Variants in FAM193A observed in about 807,000 individuals in gnomAD.
FAM193A encodes the protein protein FAM193A.
FAM193A carries 22 observed loss-of-function variants against 126.5 expected under a neutral mutation model. The observed-to-expected ratio is 0.17, with a 90% CI of 0.12 to 0.25. FAM193A has a LOEUF of 0.25. Ranked by LOEUF, FAM193A falls within the 10% of genes least tolerant of loss-of-function variation. The pLI, the probability that FAM193A is intolerant of heterozygous loss-of-function variation, is 1.00. For missense variants in FAM193A, 1,675 were observed against 1,672.8 expected (o/e 1.00, Z -0.02); for synonymous variants, 761 against 646.8 (o/e 1.18, Z -2.68).
chr4:2,691,903 C>T (rs927999936), intron 15 of FAM193A, among the ~76,000 whole-genome samples: 1 of 152,108 alleles, frequency 6.6e-6, no homozygotes, highest in Non-Finnish European at 1.5e-5. Context: ...AAAAGCACAC[C>T]TCCTCTAAAT....
chr4:2,566,255 G>C (rs1247010024), intron 1 of FAM193A, among the ~76,000 whole-genome samples: 1 of 152,098 alleles, frequency 6.6e-6, no homozygotes, highest in Non-Finnish European at 1.5e-5. Flanking sequence ...CACCGTGTTA[G>C]CCAGCATGGT....
At chr4:2,711,950 T>C (rs559175395) in intron 19 of FAM193A, among the ~76,000 whole-genome samples, 4 of 152,106 alleles carry the variant, frequency 2.6e-5, no homozygotes, top group African/African-American at 9.7e-5. Flanking sequence ...TTATGTAATT[T>C]CCATGCGTCT....
At chr4:2,559,753 C>A (rs1413379673) in intron 1 of FAM193A, among the ~76,000 whole-genome samples, 2 of 152,208 alleles carry the variant, frequency 1.3e-5, no homozygotes, top group Non-Finnish European at 2.9e-5. Flanking sequence ...GACGGCCCCT[C>A]TCTTGTTCCT....
intron 2 of FAM193A, among the ~76,000 whole-genome samples, chr4:2,609,929 A>G (rs1429097744): frequency 1.4e-5 from 2 of 145,902 alleles, no homozygotes; most frequent in African/African-American, 5.0e-5. Context: ...CTCCGTCTTA[A>G]AAAAAAAAAA....
chr4:2,613,459 CT>C (rs1330182508), intron 2 of FAM193A, among the ~76,000 whole-genome samples: 300 of 101,506 alleles, frequency 3.0e-3, no homozygotes, highest in Middle Eastern at 5.3e-3. Flanking sequence ...TGGTAGGTTT[CT>C]TTTTTTTTTT....
chr4:2,712,974 G>A (rs1020217886), intron 19 of FAM193A, among the ~76,000 whole-genome samples: 1 of 151,906 alleles, frequency 6.6e-6, no homozygotes, highest in Non-Finnish European at 1.5e-5. Flanking sequence ...GTGTGGTGGT[G>A]CATACCTGTA....
At chr4:2,547,042 C>A (rs147792653) in intron 1 of FAM193A, among the ~76,000 whole-genome samples, 1 of 152,134 alleles carries the variant, frequency 6.6e-6, no homozygotes, top group Non-Finnish European at 1.5e-5. Flanking sequence ...TCTGGCCTCC[C>A]GAAGTGCTAG....
intron 20 of FAM193A, among the ~76,000 whole-genome samples, chr4:2,728,046 C>T (rs950908404): frequency 1.3e-5 from 2 of 152,158 alleles, no homozygotes; most frequent in African/African-American, 4.8e-5. Context: ...ATGCTCCTGC[C>T]TCAGCATCCT....
At chr4:2,568,336 G>A (rs1739090020) in intron 1 of FAM193A, among the ~76,000 whole-genome samples, 1 of 151,978 alleles carries the variant, frequency 6.6e-6, no homozygotes, top group Non-Finnish European at 1.5e-5. Context: ...ACAGAATTAG[G>A]GATTTTAAAA....
chr4:2,727,145 G>C (rs1468715963), intron 20 of FAM193A, among the ~76,000 whole-genome samples: 2 of 152,002 alleles, frequency 1.3e-5, no homozygotes, highest in Non-Finnish European at 2.9e-5. Flanking sequence ...TGTAGTCCTA[G>C]CTACTCTGGA....
At chr4:2,595,243 C>T (rs1220854889) in intron 1 of FAM193A, among the ~76,000 whole-genome samples, 2 of 152,100 alleles carry the variant, frequency 1.3e-5, no homozygotes, top group Admixed American at 1.3e-4. Context: ...GAGGCGAAGT[C>T]TTGCTATGTT....
intron 19 of FAM193A, 141 bp downstream of exon 19, chr4:2,700,685 G>T (rs760215283): frequency 1.9e-6 from 2 of 1,036,576 alleles, no homozygotes; most frequent in African/African-American, 3.2e-5. Context: ...GAGGGGCCAG[G>T]CATGGTGGCT....
chr4:2,707,070 C>G (rs1437762952), intron 19 of FAM193A, among the ~76,000 whole-genome samples: 1 of 151,928 alleles, frequency 6.6e-6, no homozygotes, highest in Non-Finnish European at 1.5e-5. Context: ...TGCAGTGAGC[C>G]AAGGTTGCTC....
intron 2 of FAM193A, among the ~76,000 whole-genome samples, chr4:2,613,378 C>CT (rs552205895): frequency 0.072 from 8,661 of 120,686 alleles, 278 homozygotes; most frequent in South Asian, 0.092. Flanking sequence ...AGAAATTCAG[C>CT]TTTTTTTTTT....
At chr4:2,597,248 C>G (rs987923324) in intron 2 of FAM193A, among the ~76,000 whole-genome samples, 4 of 152,324 alleles carry the variant, frequency 2.6e-5, no homozygotes, top group South Asian at 4.1e-4. Flanking sequence ...TTCTAACATA[C>G]TATGTATTTT....
intron 1 of FAM193A, among the ~76,000 whole-genome samples, chr4:2,565,299 C>G (rs1018175196): frequency 7.4e-6 from 1 of 135,836 alleles, no homozygotes; most frequent in Non-Finnish European, 1.5e-5. Flanking sequence ...CTCCCTCTGT[C>G]GCCAGGCTGG....
chr4:2,732,231 C>G lies in FAM193A; in HGVS notation c.*363C>G, dbSNP rs532197755. Reference sequence around the variant, plus strand: ...GCCCTGTCCTGTCATGTGTCCTCACCGGGGTATCGGCCGTCACTCAGCTCT... The same window carrying G: ...GCCCTGTCCTGTCATGTGTCCTCACGGGGGTATCGGCCGTCACTCAGCTCT... On this transcript the variant is annotated 3_prime_UTR_variant, in exon 21 of 21. Transcript: ENST00000637812. 2 of 262,580 alleles carry G rather than the reference C, an allele frequency of 7.6e-6. No individual in the cohort carries two copies. The highest frequency in any genetic ancestry group is 4.9e-5 in the Admixed American group (1 of 20,238). 16.3% of individuals were successfully genotyped at this position (262,580 alleles called of 1,614,324 possible). A position where few individuals can be genotyped will look rare whatever the true frequency, so the allele number is the denominator to read the frequency against.
At chr4:2,696,324 A>C in intron 17 of FAM193A, 39 bp from the exon 18 acceptor site, 8 of 1,431,572 alleles carry the variant, frequency 5.6e-6, no homozygotes, top group Non-Finnish European at 7.7e-6. Context: ...TATATTCAAA[A>C]TTTTTAAAAC....
At chr4:2,586,920 T>C (rs914950028) in intron 1 of FAM193A, among the ~76,000 whole-genome samples, 1 of 152,214 alleles carries the variant, frequency 6.6e-6, no homozygotes, top group African/African-American at 2.4e-5. Flanking sequence ...CCCAAAGTGC[T>C]GGGATTACAG....
Sources: gnomAD v4.1 joint callset for allele counts (sites outside exome capture counted in the v4.1 genomes callset) on GRCh38, gnomAD v4.1.1 for gene constraint, MANE v1.5 for transcripts, NCBI Gene and HGNC (gene_info 2026-07-23, HGNC 2026-07-21) for gene names.